The following DNAJA3 variants were observed in gnomAD, a reference collection of about 807,000 sequenced individuals.
DNAJA3 encodes DnaJ heat shock protein family (Hsp40) member A3.
Under a neutral mutation model 54.9 loss-of-function variants are expected in DNAJA3, and 29 were observed. The observed-to-expected ratio is 0.53, with a 90% confidence interval of 0.39 to 0.72. DNAJA3 has a LOEUF of 0.72. Ranked by LOEUF, DNAJA3 falls within the 30% of genes least tolerant of loss-of-function variation. DNAJA3 has a pLI of 0.00. For synonymous variants in DNAJA3, 302 were observed against 251.4 expected, an observed-to-expected ratio of 1.20 and a Z score of -1.90; for missense variants, 708 against 639.4, an observed-to-expected ratio of 1.11 and a Z score of -1.16.
At chr16:4,427,547 C>A (rs1207591887) in intron 1 of DNAJA3, among the ~76,000 whole-genome samples, 1 of 152,172 alleles carries the variant, frequency 6.6e-6, no homozygotes, top group Non-Finnish European at 1.5e-5. Flanking sequence ...GAGCACCTGT[C>A]TGAAAATTCA....
chr16:4,427,472 G>C (rs2056638888), intron 1 of DNAJA3: 2 of 152,258 alleles, frequency 1.3e-5, no homozygotes, highest in African/African-American at 2.4e-5. Context: ...GTAAAGAAAA[G>C]AGCCTGGGCT....
intron 10 of DNAJA3, among the ~76,000 whole-genome samples, chr16:4,451,058 G>C (rs1222031146): frequency 2.0e-5 from 3 of 152,182 alleles, no homozygotes; most frequent in Admixed American, 6.5e-5. Context: ...CATCGTGCTA[G>C]CGAGTGGCTG....
At chr16:4,455,072 A>G in intron 11 of DNAJA3, 145 bp downstream of exon 11, 1 of 642,554 alleles carries the variant, frequency 1.6e-6, no homozygotes, top group Non-Finnish European at 2.8e-6. Context: ...TAGCTCCACT[A>G]GGAGCTGGCC....
chr16:4,448,503 C>A (rs1414631724), intron 8 of DNAJA3, among the ~76,000 whole-genome samples: 1 of 151,420 alleles, frequency 6.6e-6, no homozygotes, highest in Non-Finnish European at 1.5e-5. Flanking sequence ...GTTACCATGC[C>A]CTGCTGATTT....
intron 4 of DNAJA3, 138 bp downstream of exon 4, chr16:4,441,713 A>G: frequency 3.8e-6 from 3 of 785,840 alleles, no homozygotes; most frequent in Middle Eastern, 6.7e-4. Flanking sequence ...TTAGTAGAAA[A>G]TAATTTCAGT....
intron 1 of DNAJA3, among the ~76,000 whole-genome samples, chr16:4,433,640 G>A (rs553948001): frequency 6.6e-6 from 1 of 152,270 alleles, no homozygotes; most frequent in South Asian, 2.1e-4. Flanking sequence ...AAAGAATGTG[G>A]GGAGTTGTTA....
chr16:4,428,730 T>A (rs2056654094), intron 1 of DNAJA3, among the ~76,000 whole-genome samples: 1 of 152,154 alleles, frequency 6.6e-6, no homozygotes, highest in African/African-American at 2.4e-5. Flanking sequence ...GGGTACGTGC[T>A]GTTTTCACAG....
intron 2 of DNAJA3, among the ~76,000 whole-genome samples, chr16:4,435,769 A>G (rs2056765781): frequency 6.6e-6 from 1 of 152,214 alleles, no homozygotes; most frequent in Non-Finnish European, 1.5e-5. Flanking sequence ...GCTATCATGA[A>G]CAGTGCTGCT....
chr16:4,454,945 G>GT lies in DNAJA3; in HGVS notation c.*13+26dup, dbSNP rs760959702. On this transcript the variant is annotated intron_variant, in intron 11 of 11. Coordinates refer to ENST00000262375, the MANE Select transcript of DNAJA3 (RefSeq NM_005147.6). ...CAGCCGAGGTAGGAAAACCCTGGAG[G>GT]TTTTTTTTCCCTTTGTTTTCCTCTG... The GT allele has an allele frequency of 6.0e-5, 93 of 1,546,210 alleles. No homozygotes were observed. The highest frequency in any genetic ancestry group is 7.4e-5 in the Non-Finnish European group (83 of 1,122,574).
intron 1 of DNAJA3, among the ~76,000 whole-genome samples, chr16:4,429,976 A>G (rs950728507): frequency 7.7e-4 from 117 of 152,038 alleles, no homozygotes; most frequent in African/African-American, 2.7e-3. Flanking sequence ...CAGCCTGGGC[A>G]ACAGAGTATG....
At chr16:4,446,563 A>T (rs1043963234) in intron 7 of DNAJA3, among the ~76,000 whole-genome samples, 1 of 152,186 alleles carries the variant, frequency 6.6e-6, no homozygotes, top group African/African-American at 2.4e-5. Flanking sequence ...TTAAAAAAAA[A>T]AAATCAAAAG....
At chr16:4,433,841 GACATAGTT>G (rs2141373017) in intron 1 of DNAJA3, 1 of 155,160 alleles carries the variant, frequency 6.4e-6, no homozygotes, top group Admixed American at 6.5e-5. Context: ...CCAATACTCT[GACATAGTT>G]TAATATTAAT....
rs370301125 is a variant in DNAJA3, at chr16:4,425,968, G to A, written c.87G>A (p.Pro29=). The change falls in exon 1 of 12, where the codon CCG becomes CCA. Residue 29 remains proline (P), a synonymous_variant. Coordinates refer to ENST00000262375, the MANE Select transcript of DNAJA3 (RefSeq NM_005147.6). The stretch of plus-strand genomic sequence containing the variant: ...CTATATCGGGTAGAGGGGCCCGGCC[G>A]CCCAGGGAGGGCGTGGTGGGGGCAT... ...LPAISGRGAR[P]PREGVVGAWL... is the part of the protein sequence containing the mutation. The A allele has an allele frequency of 1.4e-4, 223 of 1,584,698 alleles. No individual in the cohort carries two copies. The highest frequency in any genetic ancestry group is 1.7e-4 in the Non-Finnish European group (203 of 1,167,328).
chr16:4,446,916 G>A lies in DNAJA3; in HGVS notation c.1027G>A (p.Gly343Ser), dbSNP rs1394074353. 8.1e-6 allele frequency: 13 copies of A among 1,614,140 alleles called. No individual in the cohort carries two copies. The highest frequency in any genetic ancestry group is 1.7e-5 in the Admixed American group (1 of 60,016). The change falls in exon 8 of 12, where the codon GGC becomes AGC. Residue 343 changes from glycine to serine, a missense_variant. Transcript: ENST00000262375. ...GAAAAGCCCTGTGTTCCGGAGGGAC[G>A]GCGCAGACATCCACTCCGACCTCTT... ...VQKSPVFRRD[G>S]ADIHSDLFIS...
chr16:4,435,848 G>C (rs1353547969), intron 2 of DNAJA3, among the ~76,000 whole-genome samples: 2 of 152,218 alleles, frequency 1.3e-5, no homozygotes, highest in African/African-American at 4.8e-5. Flanking sequence ...TAGGAGTATA[G>C]TTGCTGAGTC....
rs1438190534 is a variant in DNAJA3 at position 4,443,081 on chromosome 16, C to T, written c.848C>T (p.Ser283Phe). ...STCRRCGGRG[S>F]IIISPCVVCR... Reference sequence around the variant, plus strand: ...TGTAGGAGATGTGGTGGCCGCGGCTCCATCATCATATCGCCCTGTGTGGTC... The same window carrying T: ...TGTAGGAGATGTGGTGGCCGCGGCTTCATCATCATATCGCCCTGTGTGGTC... Residue 283 changes from serine to phenylalanine, a missense_variant, in exon 6 of 12, where the codon TCC (serine) becomes TTC (phenylalanine). Ser to Phe is a radical substitution (Grantham distance 155). Coordinates refer to ENST00000262375, the MANE Select transcript of DNAJA3 (RefSeq NM_005147.6). The T allele has an allele frequency of 6.2e-7, 1 of 1,613,852 alleles. No homozygotes were observed. The highest frequency in any genetic ancestry group is 8.5e-7 in the Non-Finnish European group (1 of 1,179,984).
rs779570415 is a variant in DNAJA3 at position 4,426,033 on chromosome 16, C to G, written c.152C>G (p.Ser51Cys). The G allele has an allele frequency of 6.2e-7, 1 of 1,607,356 alleles. No individual in the cohort carries two copies. Among genetic ancestry groups the G allele is most frequent in the Admixed American group, 1.7e-5 (1 of 59,600 alleles). The change falls in exon 1 of 12, where the codon TCC becomes TGC. Residue 51 changes from serine to cysteine, a missense_variant. Ser to Cys is a moderately radical substitution (Grantham distance 112). Coordinates refer to ENST00000262375, the MANE Select transcript of DNAJA3 (RefSeq NM_005147.6). Reference sequence around the variant, plus strand: ...CTGAGCGTCCCCGCCTTTGCGTCTTCCCTGACCTCTTGCGGCCCCCGAGCG... The same window carrying G: ...CTGAGCGTCCCCGCCTTTGCGTCTTGCCTGACCTCTTGCGGCCCCCGAGCG... ...RKLSVPAFASSLTSCGPRALL... is the reference protein window; with the variant it reads ...RKLSVPAFASCLTSCGPRALL...
At position 4,426,059 on chromosome 16, in the gene DNAJA3, C is replaced by G. The variant is rs763278879; in HGVS notation, c.178C>G (p.Leu60Val). The G allele has an allele frequency of 1.9e-6, 3 of 1,602,862 alleles. No homozygotes were observed. In the South Asian group the frequency reaches 3.3e-5, roughly 18 times the overall value. ...CCTGACCTCTTGCGGCCCCCGAGCGCTGCTGACATTGAGACCTGGTGTCAG... is the reference window on the plus strand; with the variant it reads ...CCTGACCTCTTGCGGCCCCCGAGCGGTGCTGACATTGAGACCTGGTGTCAG... ...SSLTSCGPRA[L>V]LTLRPGVSLT... Residue 60 changes from leucine to valine, a missense_variant, in exon 1 of 12, where the codon CTG becomes GTG. Physicochemically the swap from Leu to Val is conservative, Grantham distance 32. Coordinates refer to ENST00000262375, the MANE Select transcript of DNAJA3 (RefSeq NM_005147.6).
At chr16:4,437,585 A>G (rs2056786928) in intron 3 of DNAJA3, 100 bp downstream of exon 3, 8 of 910,866 alleles carry the variant, frequency 8.8e-6, no homozygotes, top group East Asian at 5.2e-5. Flanking sequence ...CATACAGTCC[A>G]GTGTGAAGGC....
Sources: gnomAD v4.1 joint callset for allele counts (sites outside exome capture counted in the v4.1 genomes callset) on GRCh38, gnomAD v4.1.1 for gene constraint, MANE v1.5 for transcripts, NCBI Gene and HGNC (gene_info 2026-07-23, HGNC 2026-07-21) for gene names.